Variants in PCDH15 observed in about 807,000 individuals in gnomAD.
PCDH15 encodes the protein protocadherin-15.
A neutral mutation model predicts 178.5 loss-of-function variants in PCDH15; 129 were observed. The ratio of observed to expected loss-of-function variants is 0.72; its 90% CI spans 0.63 to 0.84. PCDH15 has a LOEUF of 0.84. Among genes scored for constraint, PCDH15 ranks in the 40% least tolerant of loss-of-function variants. The pLI, the probability that PCDH15 is intolerant of heterozygous loss-of-function variation, is 0.00. For missense variants in PCDH15, 2,230 were observed against 2,099.9 expected (o/e 1.06, Z -1.21); for synonymous variants, 800 against 732.0 (o/e 1.09, Z -1.50).
chr10:53,840,476 TG>T lies in PCDH15; in HGVS notation c.3826del (p.Gln1276ArgfsTer10). On this transcript the variant is annotated frameshift_variant, in exon 29 of 38. Coordinates refer to ENST00000644397, the MANE Select transcript of PCDH15 (RefSeq NM_001384140.1). LOFTEE classifies it high-confidence loss of function. ...GACCTTGGCACCAGGAATTTGTTCC[TG>T]AACATAGCGATCCAAGATCCTATAA... ...DLTEILDRYV[Q>X]EQIPGAKVVV... The T allele has an allele frequency of 1.2e-6, 2 of 1,614,056 alleles. No individual in the cohort carries two copies. The highest frequency in any genetic ancestry group is 1.7e-6 in the Non-Finnish European group (2 of 1,179,940).
chr10:53,849,600 C>T (rs112671174), intron 28 of PCDH15, among the ~76,000 whole-genome samples: 5,913 of 152,154 alleles, frequency 0.039, 363 homozygotes, highest in African/African-American at 0.13. Flanking sequence ...CGCGGTGGCT[C>T]ATGCCTGTAA....
chr10:54,199,570 C>CAACAACAATAAT lies in PCDH15; in HGVS notation c.1099-3682_1099-3681insATTATTGTTGTT, dbSNP rs142287657. On this transcript the variant is annotated intron_variant, in intron 10 of 37. Coordinates refer to ENST00000644397, the MANE Select transcript of PCDH15 (RefSeq NM_001384140.1). ...TGTTGAATTTAAACAACAACAACAA[C>CAACAACAATAAT]AATAATAATAATAATAATAATAATA... Among the ~76,000 whole-genome samples the CAACAACAATAAT allele has an allele frequency of 6.6e-3, 940 of 142,522 alleles. 9 individuals are homozygous for CAACAACAATAAT. Among genetic ancestry groups the CAACAACAATAAT allele is most frequent in the African/African-American group, 0.017 (677 of 38,778 alleles). 93.5% of individuals were successfully genotyped at this position (142,522 alleles called of 152,430 possible). A position where few individuals can be genotyped will look rare whatever the true frequency, so the allele number is the denominator to read the frequency against.
intron 20 of PCDH15, among the ~76,000 whole-genome samples, chr10:54,003,912 T>G (rs2092283511): frequency 6.6e-6 from 1 of 151,852 alleles, no homozygotes; most frequent in African/African-American, 2.4e-5. Flanking sequence ...ACAAAGAAAT[T>G]CAACATCGTA....
intron 2 of PCDH15, among the ~76,000 whole-genome samples, chr10:55,450,489 T>G (rs563228183): frequency 6.6e-6 from 1 of 152,178 alleles, no homozygotes; most frequent in Non-Finnish European, 1.5e-5. Flanking sequence ...ACCAGTGTAG[T>G]TGAGCCCTCT....
intron 25 of PCDH15, among the ~76,000 whole-genome samples, chr10:53,924,292 T>C (rs2084282227): frequency 6.6e-6 from 1 of 152,188 alleles, no homozygotes. Flanking sequence ...GCTGGCACCG[T>C]GGGCCCCAGG....
chr10:54,104,229 A>C (rs756470430), intron 15 of PCDH15, among the ~76,000 whole-genome samples: 7 of 152,160 alleles, frequency 4.6e-5, no homozygotes, highest in Non-Finnish European at 5.9e-5. Context: ...GGAATGGAGA[A>C]GCCATTTCTT....
intron 3 of PCDH15, among the ~76,000 whole-genome samples, chr10:54,829,501 T>C (rs1953186955): frequency 6.6e-6 from 1 of 152,098 alleles, no homozygotes; most frequent in South Asian, 2.1e-4. Context: ...ACACTTATCC[T>C]GGTTATTCAG....
At chr10:54,841,766 G>GA (rs1953423015) in intron 3 of PCDH15, among the ~76,000 whole-genome samples, 1 of 151,516 alleles carries the variant, frequency 6.6e-6, no homozygotes, top group Non-Finnish European at 1.5e-5. Context: ...AATAAAAATA[G>GA]AAAAAATTAA....
At chr10:54,778,127 C>T (rs1207410674) in intron 1 of PCDH15, among the ~76,000 whole-genome samples, 1 of 152,192 alleles carries the variant, frequency 6.6e-6, no homozygotes, top group Admixed American at 6.5e-5. Flanking sequence ...CCCAATTTTG[C>T]ACTCATCTTC....
intron 25 of PCDH15, among the ~76,000 whole-genome samples, chr10:53,913,747 AAAAAACCAAAAAAC>A (rs1461750388): frequency 6.8e-6 from 1 of 146,736 alleles, no homozygotes; most frequent in Non-Finnish European, 1.5e-5. Flanking sequence ...CTGTCTCAAA[AAAAAACCAAAAAAC>A]AAAAAACAAA....
At chr10:54,977,676 T>G (rs1410336702) in intron 2 of PCDH15, among the ~76,000 whole-genome samples, 1 of 152,146 alleles carries the variant, frequency 6.6e-6, no homozygotes, top group Admixed American at 6.6e-5. Context: ...CATCCTTCAT[T>G]TTTTTTATTT....
intron 26 of PCDH15, among the ~76,000 whole-genome samples, chr10:53,880,551 G>A (rs1304771383): frequency 1.3e-5 from 2 of 151,920 alleles, no homozygotes; most frequent in Non-Finnish European, 2.9e-5. Flanking sequence ...CAATTTTACT[G>A]CCTACCTAAT....
At chr10:54,215,823 C>T (rs1054301354) in intron 9 of PCDH15, among the ~76,000 whole-genome samples, 8 of 150,896 alleles carry the variant, frequency 5.3e-5, no homozygotes, top group African/African-American at 1.2e-4. Flanking sequence ...GGGCGGATCA[C>T]GAGGTCAGGA....
At chr10:54,860,530 A>G (rs1953820847) in intron 3 of PCDH15, among the ~76,000 whole-genome samples, 1 of 151,992 alleles carries the variant, frequency 6.6e-6, no homozygotes, top group Non-Finnish European at 1.5e-5. Flanking sequence ...GATGTACAAC[A>G]TTTTCTTTTT....
At chr10:54,215,866 C>G (rs1356459940) in intron 9 of PCDH15, among the ~76,000 whole-genome samples, 3 of 151,160 alleles carry the variant, frequency 2.0e-5, no homozygotes, top group Non-Finnish European at 4.4e-5. Context: ...ACAGTGAAAG[C>G]CCGCCTCTAC....
At chr10:55,485,334 C>T (rs1472949499) in intron 2 of PCDH15, among the ~76,000 whole-genome samples, 1 of 151,444 alleles carries the variant, frequency 6.6e-6, no homozygotes, top group Non-Finnish European at 1.5e-5. Context: ...TATTTATATC[C>T]CACTGCTTAA....
intron 3 of PCDH15, among the ~76,000 whole-genome samples, chr10:54,857,413 C>T (rs1350421984): frequency 6.6e-6 from 1 of 151,980 alleles, no homozygotes; most frequent in African/African-American, 2.4e-5. Flanking sequence ...TTTAGTGATT[C>T]CTCACAACAT....
At chr10:55,422,701 T>C (rs947568919) in intron 2 of PCDH15, among the ~76,000 whole-genome samples, 35 of 151,852 alleles carry the variant, frequency 2.3e-4, no homozygotes, top group African/African-American at 7.5e-4. Flanking sequence ...AGGCAGAGTA[T>C]ATTAAAATAA....
intron 25 of PCDH15, among the ~76,000 whole-genome samples, chr10:53,934,428 C>A (rs2085376191): frequency 6.6e-6 from 1 of 151,938 alleles, no homozygotes; most frequent in Non-Finnish European, 1.5e-5. Flanking sequence ...GCCCCCAATA[C>A]CCACATGCAC....
Sources: allele counts gnomAD v4.1 joint callset (sites outside exome capture counted in the v4.1 genomes callset), GRCh38; gene constraint gnomAD v4.1.1; transcripts MANE v1.5; gene names NCBI Gene and HGNC (gene_info 2026-07-23, HGNC 2026-07-21).